Variants in SLC6A4 observed in about 807,000 individuals in gnomAD.
SLC6A4 encodes the protein solute carrier family 6 member 4, also known as sodium-dependent serotonin transporter.
Under a neutral mutation model 73.4 loss-of-function variants are expected in SLC6A4, and 22 were observed. The ratio of observed to expected loss-of-function variants is 0.30; its 90% CI spans 0.21 to 0.43. SLC6A4 has a LOEUF of 0.43. Among genes scored for constraint, SLC6A4 ranks in the 20% least tolerant of loss-of-function variants. The pLI is 1.00. For synonymous variants in SLC6A4, 270 were observed against 315.5 expected (o/e 0.86, Z 1.53); for missense variants, 593 against 808.5 (o/e 0.73, Z 3.23).
chr17:30,207,549 G>A (rs889992502), intron 13 of SLC6A4, among the ~76,000 whole-genome samples, 183 bp downstream of exon 13: 1 of 151,898 alleles, frequency 6.6e-6, no homozygotes, highest in Non-Finnish European at 1.5e-5. Flanking sequence ...CACCACACCC[G>A]GCTAATTTTT....
chr17:30,206,671 T>C (rs921361777), intron 13 of SLC6A4, among the ~76,000 whole-genome samples: 6 of 151,732 alleles, frequency 4.0e-5, no homozygotes, highest in Non-Finnish European at 8.8e-5. Flanking sequence ...GACCCTTCAC[T>C]TTACATTGCT....
At position 30,197,319 on chromosome 17, in the gene SLC6A4, AGACT is replaced by A. The variant is rs1297632602; in HGVS notation, c.*1133_*1136del. Reference sequence around the variant, plus strand: ...GGCGAGGTCCACGTAAGGCTAACCCAGACTCTCCAACTGCTCTTGGAGTGAAGAT... The same window carrying A: ...GGCGAGGTCCACGTAAGGCTAACCCACTCCAACTGCTCTTGGAGTGAAGAT... On this transcript the variant is annotated 3_prime_UTR_variant, in exon 15 of 15. Coordinates refer to ENST00000650711, the MANE Select transcript of SLC6A4 (RefSeq NM_001045.6). 1.3e-5 allele frequency: 2 copies of A among 152,404 alleles called. No individual in the cohort carries two copies. Among genetic ancestry groups the A allele is most frequent in the Non-Finnish European group, 2.9e-5 (2 of 68,076 alleles). The allele number at this position is 152,404 out of a possible 1,614,324, so 9.4% of individuals were successfully genotyped here.
chr17:30,234,920 C>T (rs891152475), intron 1 of SLC6A4, among the ~76,000 whole-genome samples: 21 of 152,198 alleles, frequency 1.4e-4, no homozygotes, highest in African/African-American at 4.8e-4. Context: ...CAAATCCACT[C>T]TTGAGCTCCA....
intron 1 of SLC6A4, among the ~76,000 whole-genome samples, chr17:30,234,737 A>T (rs2020933): frequency 0.14 from 20,647 of 152,202 alleles, 2,600 homozygotes; most frequent in African/African-American, 0.33. Flanking sequence ...TCCATTGACC[A>T]GGTTCACTTT....
At position 30,230,077 on chromosome 17, in the gene SLC6A4, AGAAGAAGAAGAAGAAGAAGAG is replaced by A. The variant is rs1234816300; in HGVS notation, c.-221+5515_-221+5535del. On this transcript the variant is annotated intron_variant, in intron 1 of 14. Coordinates refer to ENST00000650711, the MANE Select transcript of SLC6A4 (RefSeq NM_001045.6). ...AAGAAGAAGAAGAAGAAGAAGAAGA[AGAAGAAGAAGAAGAAGAAGAG>A]GAGGAAGAGGAAGAGGAAGAGGAAG... Among the ~76,000 whole-genome samples, 33 of 120,744 alleles carry A rather than the reference AGAAGAAGAAGAAGAAGAAGAG, an allele frequency of 2.7e-4. 1 individual carries two copies. The highest frequency in any genetic ancestry group is 1.7e-5 in the Non-Finnish European group (1 of 60,160). 79.2% of individuals were successfully genotyped at this position (120,744 alleles called of 152,430 possible).
chr17:30,212,919 C>A, intron 8 of SLC6A4, 52 bp from the exon 9 acceptor site: 1 of 1,602,816 alleles, frequency 6.2e-7, no homozygotes, highest in Non-Finnish European at 8.5e-7. Flanking sequence ...GATCAGGGGT[C>A]TAAGGAGCAT....
rs201698010 is a variant in SLC6A4 at position 30,197,067 on chromosome 17, C to T, written c.*1389G>A. 2.0e-5 allele frequency: 3 copies of T among 152,246 alleles called. No individual in the cohort carries two copies. Among genetic ancestry groups the T allele is most frequent in the African/African-American group, 7.2e-5 (3 of 41,412 alleles). The allele number at this position is 152,246 out of a possible 1,614,324, so 9.4% of individuals were successfully genotyped here. On this transcript the variant is annotated 3_prime_UTR_variant, in exon 15 of 15. Transcript: ENST00000650711. ...CTTTTGTCTCTGATGAGGATTTATT[C>T]CCCTCAAAATTCTGATAAGGAATTC...
At chr17:30,206,207 G>A (rs575176848) in intron 13 of SLC6A4, 8 of 141,996 alleles carry the variant, frequency 5.6e-5, no homozygotes, top group Admixed American at 2.2e-4. Context: ...GTGGACTGAA[G>A]GAAGAATCTA....
chr17:30,223,773 G>T (rs1488061339), intron 1 of SLC6A4, among the ~76,000 whole-genome samples: 7 of 152,046 alleles, frequency 4.6e-5, no homozygotes, highest in African/African-American at 1.7e-4. Context: ...CCACTCAGAA[G>T]GATATGAATT....
chr17:30,214,437 A>AAAAAG (rs1398926457), intron 8 of SLC6A4, among the ~76,000 whole-genome samples: 3 of 148,966 alleles, frequency 2.0e-5, no homozygotes, highest in African/African-American at 5.0e-5. Flanking sequence ...AAAAAAAAAA[A>AAAAAG]AAAAGAAAAG....
At chr17:30,215,061 C>A (rs577121702) in intron 8 of SLC6A4, among the ~76,000 whole-genome samples, 48 of 112,182 alleles carry the variant, frequency 4.3e-4, no homozygotes, top group East Asian at 3.4e-3. Context: ...CTCTCTCTCT[C>A]TTTCTCTCTC....
At chr17:30,217,907 A>G (rs1906629945) in intron 5 of SLC6A4, among the ~76,000 whole-genome samples, 1 of 152,194 alleles carries the variant, frequency 6.6e-6, no homozygotes, top group South Asian at 2.1e-4. Context: ...GACTTGGCGC[A>G]TGAGAAAGTG....
intron 12 of SLC6A4, among the ~76,000 whole-genome samples, chr17:30,208,631 C>T (rs1401953478): frequency 6.6e-6 from 1 of 152,122 alleles, no homozygotes; most frequent in African/African-American, 2.4e-5. Flanking sequence ...AAAATGTGCC[C>T]CCTCCTTGAT....
chr17:30,208,472 G>T (rs1359943433), intron 12 of SLC6A4, among the ~76,000 whole-genome samples: 1 of 152,130 alleles, frequency 6.6e-6, no homozygotes, highest in Non-Finnish European at 1.5e-5. Flanking sequence ...CTCTGTGGTT[G>T]CTTCCCCGAG....
Position 30,222,003 on chromosome 17 carries a change from C to A in SLC6A4, c.-45G>T. Reference sequence around the variant, plus strand: ...CACTGATGTCCATCTGCCAAGGATCCCAATTGATCTCTGGGTGCTTGGATT... The same window carrying A: ...CACTGATGTCCATCTGCCAAGGATCACAATTGATCTCTGGGTGCTTGGATT... On this transcript the variant is annotated 5_prime_UTR_variant, in exon 3 of 15. The change creates a premature stop within an existing upstream ORF in the 5' untranslated region. Transcript: ENST00000650711. 1 of 1,613,146 alleles carries A rather than the reference C, an allele frequency of 6.2e-7. No homozygotes were observed. The highest frequency in any genetic ancestry group is 8.5e-7 in the Non-Finnish European group (1 of 1,179,788).
intron 1 of SLC6A4, among the ~76,000 whole-genome samples, chr17:30,227,092 T>C (rs1906953206): frequency 6.6e-6 from 1 of 152,228 alleles, no homozygotes; most frequent in Non-Finnish European, 1.5e-5. Flanking sequence ...TGCACCACAG[T>C]TGCCCCCAGG....
At chr17:30,203,134 G>A (rs770107281) in intron 14 of SLC6A4, 38 bp downstream of exon 14, 4 of 1,516,920 alleles carry the variant, frequency 2.6e-6, no homozygotes, top group East Asian at 4.5e-5. Flanking sequence ...ACAATTAGTA[G>A]TCTGAACACA....
rs953527661 is a variant in SLC6A4 at position 30,197,056 on chromosome 17, G to A, written c.*1400C>T. ...ATGATTAAGTCCTTTTGTCTCTGAT[G>A]AGGATTTATTCCCCTCAAAATTCTG... On this transcript the variant is annotated 3_prime_UTR_variant, in exon 15 of 15. Coordinates refer to ENST00000650711, the MANE Select transcript of SLC6A4 (RefSeq NM_001045.6). 2 of 152,312 alleles carry A rather than the reference G, an allele frequency of 1.3e-5. No homozygotes were observed. Among genetic ancestry groups the A allele is most frequent in the African/African-American group, 4.8e-5 (2 of 41,446 alleles). The allele number at this position is 152,312 out of a possible 1,614,324, so 9.4% of individuals were successfully genotyped here.
chr17:30,200,705 C>T (rs1380869273), intron 14 of SLC6A4, among the ~76,000 whole-genome samples: 1 of 152,220 alleles, frequency 6.6e-6, no homozygotes, highest in Non-Finnish European at 1.5e-5. Context: ...CTTTATTCTT[C>T]TCAGAGATTA....
Sources: gnomAD v4.1 joint callset for allele counts (sites outside exome capture counted in the v4.1 genomes callset) on GRCh38, gnomAD v4.1.1 for gene constraint, MANE v1.5 for transcripts, NCBI Gene and HGNC (gene_info 2026-07-23, HGNC 2026-07-21) for gene names.